MYCBP2: variants seen among roughly 807,000 people sequenced by gnomAD.
MYCBP2 encodes the protein MYC binding protein 2.
A neutral mutation model predicts 525.3 loss-of-function variants in MYCBP2; 120 were observed. That is an observed-to-expected ratio of 0.23 (90% confidence interval 0.20 to 0.27). The LOEUF (loss-of-function observed/expected upper bound fraction) is 0.27, where lower values mean the gene tolerates loss of function less well. Among genes scored for constraint, MYCBP2 ranks in the 10% least tolerant of loss-of-function variants. MYCBP2 has a pLI of 1.00. For synonymous variants in MYCBP2, 1,894 were observed against 1,955.8 expected (o/e 0.97, Z 0.83); for missense variants, 4,149 against 5,657.1 (o/e 0.73, Z 8.55).
At chr13:77,305,233 T>G (rs2079257722) in intron 1 of MYCBP2, among the ~76,000 whole-genome samples, 2 of 151,922 alleles carry the variant, frequency 1.3e-5, no homozygotes, top group South Asian at 4.2e-4. Context: ...CAGACCAATA[T>G]CTCCTATGAA....
chr13:77,306,100 T>G (rs950018801), intron 1 of MYCBP2, among the ~76,000 whole-genome samples: 9 of 152,196 alleles, frequency 5.9e-5, no homozygotes, highest in African/African-American at 2.2e-4. Context: ...ATTTTTTATT[T>G]GTAGATAATT....
At chr13:77,056,664 T>A (rs2038140041) in intron 79 of MYCBP2, among the ~76,000 whole-genome samples, 1 of 152,234 alleles carries the variant, frequency 6.6e-6, no homozygotes, top group African/African-American at 2.4e-5. Flanking sequence ...TTCTTTTTGG[T>A]AGCCGTTGTC....
intron 1 of MYCBP2, among the ~76,000 whole-genome samples, chr13:77,303,551 T>TA (rs879545842): frequency 1.2e-4 from 18 of 149,094 alleles, no homozygotes; most frequent in East Asian, 3.9e-4. Context: ...AACGAGAAAT[T>TA]AAAAAAAAAC....
rs879804130 is a variant in MYCBP2 at position 77,174,399 on chromosome 13, C to T, written c.5563G>A (p.Gly1855Ser). The change falls in exon 37 of 83, where the codon GGT (glycine) becomes AGT (serine). Residue 1855 changes from glycine to serine, a missense_variant. This residue lies in a region of MYCBP2 where 109 missense variants were observed against 118.9 expected (regional missense o/e 0.92). Coordinates refer to ENST00000544440, the MANE Select transcript of MYCBP2 (RefSeq NM_015057.5). ...CACGTGCTGAATGTGAATGTCACAC[C>T]ATCAGGGCACTGAACTGTGGTCATT... is the stretch of plus-strand genomic sequence containing the variant. ...GGMTTVQCPD[G>S]VTFTFSTCSL... 1.1e-5 allele frequency: 18 copies of T among 1,614,004 alleles called. No individual in the cohort carries two copies. Among genetic ancestry groups the T allele is most frequent in the Admixed American group, 1.7e-5 (1 of 59,990 alleles).
intron 36 of MYCBP2, among the ~76,000 whole-genome samples, chr13:77,175,881 C>T (rs1259493423): frequency 2.0e-5 from 3 of 151,400 alleles, no homozygotes; most frequent in Non-Finnish European, 2.9e-5. Flanking sequence ...CATTTAAACC[C>T]GGGAGGCAGA....
At chr13:77,282,638 A>G (rs2076322259) in intron 3 of MYCBP2, among the ~76,000 whole-genome samples, 1 of 152,022 alleles carries the variant, frequency 6.6e-6, no homozygotes, top group African/African-American at 2.4e-5. Context: ...CTACATAGTG[A>G]TAACTCCCAA....
Position 77,055,608 on chromosome 13 carries a change from C to T in MYCBP2, c.13597G>A (p.Gly4533Ser). The change falls in exon 80 of 83, where the codon GGC becomes AGC. Residue 4533 changes from glycine (G) to serine (S), a missense_variant. This residue lies in a region of MYCBP2 where 220 missense variants were observed against 396.0 expected (regional missense o/e 0.56). Coordinates refer to ENST00000544440, the MANE Select transcript of MYCBP2 (RefSeq NM_015057.5). ...PGVRFYNDPA[G>S]YAMNRYAYYV... ...TATGCATATCTATTCATTGCATAGCCAGCTGGGTCATTATAAAACCTCACA... is the reference window on the plus strand; with the variant it reads ...TATGCATATCTATTCATTGCATAGCTAGCTGGGTCATTATAAAACCTCACA... 6.2e-7 allele frequency: 1 copy of T among 1,614,058 alleles called. No individual in the cohort carries two copies. The highest frequency in any genetic ancestry group is 1.1e-5 in the South Asian group (1 of 91,078).
intron 52 of MYCBP2, among the ~76,000 whole-genome samples, chr13:77,127,369 T>C (rs1031602793): frequency 2.6e-5 from 4 of 152,102 alleles, no homozygotes; most frequent in African/African-American, 7.2e-5. Flanking sequence ...TAAAATTGTT[T>C]CCTATGTGAA....
chr13:77,313,672 G>A (rs1251212600), intron 1 of MYCBP2, among the ~76,000 whole-genome samples: 1 of 151,994 alleles, frequency 6.6e-6, no homozygotes, highest in Non-Finnish European at 1.5e-5. Flanking sequence ...AGAACGAGAA[G>A]ACAAGGCACA....
chr13:77,275,709 C>T (rs532347472), intron 4 of MYCBP2, among the ~76,000 whole-genome samples: 3 of 152,212 alleles, frequency 2.0e-5, no homozygotes, highest in South Asian at 2.1e-4. Flanking sequence ...CTTGGCCAGG[C>T]GCAGTGGCTC....
intron 6 of MYCBP2, 89 bp from the exon 7 acceptor site, chr13:77,270,152 C>T: frequency 7.1e-7 from 1 of 1,413,770 alleles, no homozygotes; most frequent in East Asian, 2.3e-5. Context: ...ACATTTAATG[C>T]ATGTATTTCA....
rs543596967 is a variant in MYCBP2, at chr13:77,049,403, A to T, written c.13921+1594T>A. On this transcript the variant is annotated intron_variant, in intron 82 of 82. Transcript: ENST00000544440. ...AAAACCCTACTTATCTTTATTTTGA[A>T]ATGGATAGTATATGTTTCACATGGT... Among the ~76,000 whole-genome samples the T allele has an allele frequency of 1.1e-4, 17 of 152,242 alleles. No individual in the cohort carries two copies. The South Asian group carries it at 3.5e-3, about 32-fold the overall frequency.
Position 77,202,134 on chromosome 13 carries a change from A to G in MYCBP2, c.3843+3122T>C, listed in dbSNP as rs2062672998. On this transcript the variant is annotated intron_variant, in intron 26 of 82. Coordinates refer to ENST00000544440, the MANE Select transcript of MYCBP2 (RefSeq NM_015057.5). The stretch of plus-strand genomic sequence containing the variant: ...TTTTGAAAGGATCAACAAAATTGAT[A>G]GACCGCTAACAAGACTAATAAAGAA... 2.0e-5 allele frequency among the ~76,000 whole-genome samples: 3 copies of G among 152,240 alleles called. No homozygotes were observed. The South Asian group carries it at 6.2e-4, about 31-fold the overall frequency.
At chr13:77,129,249 GA>G in intron 52 of MYCBP2, 1 of 397,460 alleles carries the variant, frequency 2.5e-6, no homozygotes, top group Non-Finnish European at 4.4e-6. Context: ...CAAAGTTTAA[GA>G]AAGAAAAATA....
chr13:77,194,293 C>T lies in MYCBP2; in HGVS notation c.3844-49G>A, dbSNP rs117060749. 9.0e-4 allele frequency: 1,208 copies of T among 1,336,594 alleles called. 9 individuals are homozygous for T. The East Asian group carries it at 0.022, about 25-fold the overall frequency. 82.8% of individuals were successfully genotyped at this position (1,336,594 alleles called of 1,614,324 possible). A position where few individuals can be genotyped will look rare whatever the true frequency, so the allele number is the denominator to read the frequency against. ...ATTTATATAAATCAGCTATACATATCTGATGAACAATGTGTTCATAATTTT... is the reference window on the plus strand; with the variant it reads ...ATTTATATAAATCAGCTATACATATTTGATGAACAATGTGTTCATAATTTT... On this transcript the variant is annotated intron_variant, in intron 26 of 82. Coordinates refer to ENST00000544440, the MANE Select transcript of MYCBP2 (RefSeq NM_015057.5).
At chr13:77,246,438 G>A (rs907307007) in intron 15 of MYCBP2, among the ~76,000 whole-genome samples, 32 of 150,922 alleles carry the variant, frequency 2.1e-4, no homozygotes, top group Admixed American at 1.3e-4. Flanking sequence ...CAATACCAAT[G>A]TCAGACAAAA....
At chr13:77,125,264 C>CA (rs1232231783) in intron 54 of MYCBP2, 72 bp downstream of exon 54, 1 of 1,512,260 alleles carries the variant, frequency 6.6e-7, no homozygotes, top group Admixed American at 2.0e-5. Flanking sequence ...AAAACAAAAG[C>CA]AATACAATAG....
At chr13:77,306,112 T>C (rs569347218) in intron 1 of MYCBP2, among the ~76,000 whole-genome samples, 1 of 152,298 alleles carries the variant, frequency 6.6e-6, no homozygotes. Flanking sequence ...TAGATAATTA[T>C]ATTTATAGAA....
chr13:77,091,240 T>C (rs760992363), intron 59 of MYCBP2, among the ~76,000 whole-genome samples: 2 of 152,118 alleles, frequency 1.3e-5, no homozygotes, highest in Non-Finnish European at 2.9e-5. Context: ...ACATAACTGA[T>C]TGGCAGTAAA....
Sources: gnomAD v4.1 joint callset for allele counts (sites outside exome capture counted in the v4.1 genomes callset) on GRCh38, gnomAD v4.1.1 for gene constraint, gnomAD v4.1.1 regional missense constraint, MANE v1.5 for transcripts, NCBI Gene and HGNC (gene_info 2026-07-23, HGNC 2026-07-21) for gene names.